The following ST18 variants were observed in gnomAD, a reference collection of about 807,000 sequenced individuals.
ST18 encodes suppression of tumorigenicity 18 protein.
A neutral mutation model predicts 110.0 loss-of-function variants in ST18; 50 were observed. The ratio of observed to expected loss-of-function variants is 0.45; its 90% CI spans 0.36 to 0.58. The LOEUF (loss-of-function observed/expected upper bound fraction) is 0.58, where lower values mean the gene tolerates loss of function less well. Ranked by LOEUF, ST18 falls within the 20% of genes least tolerant of loss-of-function variation. The probability of loss-of-function intolerance (pLI) is 0.00; values close to 1 mark genes in which losing one functional copy is unlikely to be tolerated. For missense variants in ST18, 1,306 were observed against 1,280.1 expected, an observed-to-expected ratio of 1.02 and a Z score of -0.31; for synonymous variants, 461 against 452.4, an observed-to-expected ratio of 1.02 and a Z score of -0.24.
intron 8 of ST18, chr8:52,201,250 A>C (rs16917445): frequency 0.29 from 43,388 of 152,228 alleles, 8,847 homozygotes; most frequent in African/African-American, 0.58. Flanking sequence ...CTGATCTTCC[A>C]GGACAGACTG....
intron 9 of ST18, among the ~76,000 whole-genome samples, chr8:52,176,609 G>A (rs1428075644): frequency 2.6e-5 from 4 of 152,148 alleles, no homozygotes; most frequent in African/African-American, 4.8e-5. Context: ...AGAGTAAAAA[G>A]TAAATGTTTC....
chr8:52,127,231 G>A (rs2047439480), intron 22 of ST18, among the ~76,000 whole-genome samples: 1 of 152,050 alleles, frequency 6.6e-6, no homozygotes, highest in Admixed American at 6.5e-5. Context: ...AAGAGTCTAT[G>A]AAATATAGAA....
At chr8:52,341,840 C>T (rs1323300727) in intron 2 of ST18, among the ~76,000 whole-genome samples, 1 of 147,418 alleles carries the variant, frequency 6.8e-6, no homozygotes, top group Non-Finnish European at 1.5e-5. Context: ...GCTCCCAGCT[C>T]CCCACTGCCT....
chr8:52,267,796 A>C (rs905314031), intron 2 of ST18, among the ~76,000 whole-genome samples: 5 of 152,238 alleles, frequency 3.3e-5, no homozygotes, highest in African/African-American at 4.8e-5. Context: ...CATGGCTGCC[A>C]GGCTTGGTGG....
intron 2 of ST18, among the ~76,000 whole-genome samples, chr8:52,383,570 T>C (rs1835417317): frequency 2.0e-5 from 3 of 151,766 alleles, no homozygotes; most frequent in African/African-American, 7.3e-5. Context: ...TGCCTCAGCC[T>C]CCTGAGTAGC....
At chr8:52,371,246 A>T (rs1830174097) in intron 2 of ST18, among the ~76,000 whole-genome samples, 1 of 152,210 alleles carries the variant, frequency 6.6e-6, no homozygotes, top group African/African-American at 2.4e-5. Context: ...ATAATGTAAC[A>T]TCTACTCCAT....
intron 2 of ST18, among the ~76,000 whole-genome samples, chr8:52,408,566 C>T (rs900509220): frequency 6.6e-6 from 1 of 152,164 alleles, no homozygotes; most frequent in Non-Finnish European, 1.5e-5. Flanking sequence ...ATATATTGTA[C>T]CAACAAATAA....
intron 6 of ST18, among the ~76,000 whole-genome samples, chr8:52,215,488 C>T (rs182680545): frequency 2.2e-4 from 34 of 152,304 alleles, no homozygotes; most frequent in Non-Finnish European, 1.8e-4. Flanking sequence ...ACAAAATTAA[C>T]GACAGCTCTC....
At position 52,395,133 on chromosome 8, in the gene ST18, T is replaced by G. The variant is rs533738100; in HGVS notation, c.-465+14195A>C. Among the ~76,000 whole-genome samples the G allele has an allele frequency of 2.6e-5, 4 of 152,290 alleles. No individual in the cohort carries two copies. The South Asian group carries it at 8.3e-4, about 32-fold the overall frequency. On this transcript the variant is annotated intron_variant, in intron 2 of 25. Coordinates refer to ENST00000689386, the MANE Select transcript of ST18 (RefSeq NM_001352837.2). ...GTCCTGGCTGGACTGGAGTATGACT[T>G]TGACTTCTTTCAACATAGAGACCAC...
intron 8 of ST18, among the ~76,000 whole-genome samples, chr8:52,208,800 A>C (rs920201563): frequency 2.6e-5 from 4 of 152,046 alleles, no homozygotes; most frequent in Admixed American, 6.5e-5. Flanking sequence ...CCTGGGCGAC[A>C]CAGTGAGGCT....
chr8:52,375,029 A>G (rs765354538), intron 2 of ST18, among the ~76,000 whole-genome samples: 4 of 151,302 alleles, frequency 2.6e-5, no homozygotes, highest in Non-Finnish European at 5.9e-5. Flanking sequence ...AACCCTCCAG[A>G]CTCCTAGTCC....
intron 9 of ST18, among the ~76,000 whole-genome samples, chr8:52,174,549 A>G (rs1375482276): frequency 6.6e-6 from 1 of 152,208 alleles, no homozygotes; most frequent in Admixed American, 6.5e-5. Context: ...GCTTAGCTAC[A>G]TAGTTTAAAA....
intron 2 of ST18, among the ~76,000 whole-genome samples, chr8:52,303,561 A>G (rs1310482747): frequency 6.6e-6 from 1 of 152,202 alleles, no homozygotes; most frequent in African/African-American, 2.4e-5. Context: ...TAATCAAGAG[A>G]TCACAGTGGA....
chr8:52,282,695 T>C (rs1389948510), intron 2 of ST18, among the ~76,000 whole-genome samples: 1 of 152,034 alleles, frequency 6.6e-6, no homozygotes, highest in Non-Finnish European at 1.5e-5. Flanking sequence ...GTACCAGAAC[T>C]ATCCTCCAGA....
At chr8:52,302,075 A>C (rs1193988527) in intron 2 of ST18, 1 of 152,334 alleles carries the variant, frequency 6.6e-6, no homozygotes, top group Non-Finnish European at 1.5e-5. Flanking sequence ...ATGCAGGGTG[A>C]GAGTGGCAGC....
intron 8 of ST18, among the ~76,000 whole-genome samples, chr8:52,204,482 C>G (rs533612909): frequency 2.8e-4 from 43 of 152,314 alleles, no homozygotes; most frequent in Middle Eastern, 6.8e-3. Flanking sequence ...TCTGAGCCGG[C>G]AGGCTCCAGG....
At chr8:52,230,237 A>G (rs1312594246) in intron 2 of ST18, among the ~76,000 whole-genome samples, 160 bp from the exon 3 acceptor site, 8 of 152,356 alleles carry the variant, frequency 5.3e-5, no homozygotes, top group Non-Finnish European at 2.9e-5. Context: ...CCAATCTTCA[A>G]TAGTCAAACA....
intron 6 of ST18, among the ~76,000 whole-genome samples, chr8:52,214,967 G>T (rs1044925902): frequency 2.0e-5 from 3 of 152,218 alleles, no homozygotes; most frequent in Non-Finnish European, 4.4e-5. Flanking sequence ...GTTGTTTTCA[G>T]ACTCTGACCT....
intron 2 of ST18, among the ~76,000 whole-genome samples, chr8:52,393,170 C>A (rs1341571613): frequency 6.6e-6 from 1 of 152,124 alleles, no homozygotes; most frequent in East Asian, 1.9e-4. Flanking sequence ...TCTGCTTACT[C>A]CAAGGCTGGC....
Sources: allele counts gnomAD v4.1 joint callset (sites outside exome capture counted in the v4.1 genomes callset), GRCh38; gene constraint gnomAD v4.1.1; transcripts MANE v1.5; gene names NCBI Gene and HGNC (gene_info 2026-07-23, HGNC 2026-07-21).